FBN3: variants seen among roughly 807,000 people sequenced by gnomAD.
FBN3 encodes the protein fibrillin 3.
In FBN3, 234 loss-of-function variants were observed where a neutral mutation model predicts 330.1. The observed-to-expected ratio is 0.71, with a 90% CI of 0.64 to 0.79. The LOEUF is 0.79. Ranked by LOEUF, FBN3 falls within the 30% of genes least tolerant of loss-of-function variation. The probability of loss-of-function intolerance (pLI) is 0.00; values close to 1 mark genes in which losing one functional copy is unlikely to be tolerated. For synonymous variants in FBN3, 1,458 were observed against 1,517.3 expected (o/e 0.96, Z 0.91); for missense variants, 3,606 against 3,886.9 (o/e 0.93, Z 1.92).
intron 40 of FBN3, 45 bp from the exon 41 acceptor site, chr19:8,101,017 C>G (rs2144758060): frequency 6.6e-7 from 1 of 1,514,740 alleles, no homozygotes; most frequent in Non-Finnish European, 9.1e-7. Flanking sequence ...GCAGGCCTGA[C>G]CCCAGCCCGC....
chr19:8,106,248 G>C lies in FBN3; in HGVS notation c.4688-15C>G. On this transcript the variant is annotated splice_polypyrimidine_tract_variant and intron_variant, in intron 37 of 63. Transcript: ENST00000600128. ...CTCGTCGATGTCTGTCAGGAAGTAA[G>C]GAAGCCAAGCTTGGGAGCTAAACCC... 1 of 1,614,060 alleles carries C rather than the reference G, an allele frequency of 6.2e-7. No homozygotes were observed. The highest frequency in any genetic ancestry group is 8.5e-7 in the Non-Finnish European group (1 of 1,179,980).
rs191105247 is a variant in FBN3, at chr19:8,129,488, C to A, written c.2045-123G>T. On this transcript the variant is annotated intron_variant, in intron 16 of 63. Coordinates refer to ENST00000600128, the MANE Select transcript of FBN3 (RefSeq NM_032447.5). The surrounding 1 kb of genome is among the most constrained non-coding windows in gnomAD (Gnocchi z 4.5). ...AGATTCCCCAAGGCCATAGCTCCAG[C>A]CCAGACCCGGCCTCATTCTGCTCTA... is the stretch of plus-strand genomic sequence containing the variant. 6.2e-4 allele frequency: 783 copies of A among 1,269,432 alleles called. 1 individual carries two copies. The highest frequency in any genetic ancestry group is 8.0e-4 in the Non-Finnish European group (735 of 913,240). The allele number at this position is 1,269,432 out of a possible 1,614,324, so 78.6% of individuals were successfully genotyped here.
Position 8,085,217 on chromosome 19 carries a change from A to C in FBN3, c.7087+146T>G, listed in dbSNP as rs1363962667. Reference sequence around the variant, plus strand: ...TACTGGTTCTCATATCTGCTAGCACAAAGACACACACACACACACACACAC... The same window carrying C: ...TACTGGTTCTCATATCTGCTAGCACCAAGACACACACACACACACACACAC... On this transcript the variant is annotated intron_variant, in intron 56 of 63. Transcript: ENST00000600128. 1.1e-5 allele frequency: 7 copies of C among 663,632 alleles called. No homozygotes were observed. In the South Asian group the frequency reaches 1.4e-4, roughly 13 times the overall value. 41.1% of individuals were successfully genotyped at this position (663,632 alleles called of 1,614,324 possible). A position where few individuals can be genotyped will look rare whatever the true frequency, so the allele number is the denominator to read the frequency against.
chr19:8,086,399 C>T (rs1352045617), intron 54 of FBN3, 74 bp from the exon 55 acceptor site: 8 of 1,073,366 alleles, frequency 7.5e-6, no homozygotes. Context: ...CCCAAAGGGC[C>T]CCTTTGGATC....
In FBN3 at chr19:8,129,433, GTCGCGGCGCAC is replaced by G; in HGVS notation, c.2045-79_2045-69del. 1 of 1,587,074 alleles carries G rather than the reference GTCGCGGCGCAC, an allele frequency of 6.3e-7. No homozygotes were observed. On this transcript the variant is annotated intron_variant, in intron 16 of 63. Coordinates refer to ENST00000600128, the MANE Select transcript of FBN3 (RefSeq NM_032447.5). This position sits in a 1 kb window ranked among gnomAD's most constrained non-coding sequence, Gnocchi z 4.5. Reference sequence around the variant, plus strand: ...TGTGTCCGAGGCAGGAGGAGGGTGTGTCGCGGCGCACCAGGGGTCTCTAGAAGTCAGATTCC... The same window carrying G: ...TGTGTCCGAGGCAGGAGGAGGGTGTGCAGGGGTCTCTAGAAGTCAGATTCC...
At chr19:8,086,640 G>C in intron 54 of FBN3, among the ~76,000 whole-genome samples, 1 of 93,014 alleles carries the variant, frequency 1.1e-5, no homozygotes, top group South Asian at 3.7e-4. Context: ...TTTTTTTTTT[G>C]TATTTTTAGT....
At position 8,111,879 on chromosome 19, in the gene FBN3, A is replaced by G. The variant is rs2082594063; in HGVS notation, c.3961+98T>C. ...CAACCCTGACTGCCCCCCTGCAGACACTCCCGGATCCCACCCTCCCACTGC... is the reference window on the plus strand; with the variant it reads ...CAACCCTGACTGCCCCCCTGCAGACGCTCCCGGATCCCACCCTCCCACTGC... On this transcript the variant is annotated intron_variant, in intron 31 of 63. Transcript: ENST00000600128. 28 of 1,166,336 alleles carry G rather than the reference A, an allele frequency of 2.4e-5. 1 individual carries two copies. In the South Asian group the frequency reaches 3.8e-4, roughly 16 times the overall value. The allele number at this position is 1,166,336 out of a possible 1,614,324, so 72.2% of individuals were successfully genotyped here. A position where few individuals can be genotyped will look rare whatever the true frequency, so the allele number is the denominator to read the frequency against.
intron 30 of FBN3, 149 bp downstream of exon 30, chr19:8,115,366 G>C: frequency 3.8e-6 from 4 of 1,061,578 alleles, no homozygotes; most frequent in Non-Finnish European, 5.4e-6. Flanking sequence ...ATAGGACTCT[G>C]TTCTTGCTTT....
intron 6 of FBN3, among the ~76,000 whole-genome samples, chr19:8,143,819 C>CTTTTT (rs1225164430): frequency 9.1e-4 from 107 of 117,622 alleles, no homozygotes; most frequent in South Asian, 5.0e-3. Flanking sequence ...TTCTTTCTTT[C>CTTTTT]TTTTTTTTTT....
Position 8,065,792 on chromosome 19 carries a change from T to C in FBN3, c.*127A>G. The stretch of plus-strand genomic sequence containing the variant: ...AGGCCGGGCTTGCCTGAGGTTGTCG[T>C]GTAGCATTTCACTCTTCCTGAGTTT... On this transcript the variant is annotated 3_prime_UTR_variant, in exon 64 of 64. Coordinates refer to ENST00000600128, the MANE Select transcript of FBN3 (RefSeq NM_032447.5). 2.4e-6 allele frequency: 2 copies of C among 842,780 alleles called. No individual in the cohort carries two copies. Among genetic ancestry groups the C allele is most frequent in the Non-Finnish European group, 3.6e-6 (2 of 551,774 alleles). The allele number at this position is 842,780 out of a possible 1,614,324, so 52.2% of individuals were successfully genotyped here.
chr19:8,089,554 T>A lies in FBN3; in HGVS notation c.6367A>T (p.Asn2123Tyr), dbSNP rs1199953830. The stretch of plus-strand genomic sequence containing the variant: ...AGGGCTGGCCACTCACCCACACAGT[T>A]GATGCCAGTGAAGTCCAGGCTGTAG... ...FGYSLDFTGI[N>Y]CVDTDECSVG... is the part of the protein sequence containing the mutation. Residue 2123 changes from asparagine (N) to tyrosine (Y), a missense_variant, in exon 51 of 64, where the codon AAC becomes TAC. Transcript: ENST00000600128. 1.9e-6 allele frequency: 3 copies of A among 1,614,070 alleles called. No individual in the cohort carries two copies. Among genetic ancestry groups the A allele is most frequent in the Non-Finnish European group, 1.7e-6 (2 of 1,179,956 alleles).
At position 8,088,064 on chromosome 19, in the gene FBN3, G is replaced by A. The variant is rs887564682; in HGVS notation, c.6492C>T (p.Cys2164=). 1.1e-5 allele frequency: 18 copies of A among 1,614,062 alleles called. No homozygotes were observed. The highest frequency in any genetic ancestry group is 3.3e-5 in the South Asian group (3 of 91,072). The part of the protein sequence containing the change: ...DGFEPGLMMT[C]EDIDECSLNP... ...CCTGGGCAAGCAGAGTTGTACCCTCGCAGGTCATCATGAGGCCAGGCTCAA... is the reference window on the plus strand; with the variant it reads ...CCTGGGCAAGCAGAGTTGTACCCTCACAGGTCATCATGAGGCCAGGCTCAA... Residue 2164 remains cysteine (C), a synonymous_variant, in exon 52 of 64, where the codon TGC becomes TGT. Coordinates refer to ENST00000600128, the MANE Select transcript of FBN3 (RefSeq NM_032447.5).
rs1419849211 is a variant in FBN3 at position 8,125,937 on chromosome 19, A to G, written c.2686T>C (p.Cys896Arg). ...VNTAGSFRCE[C>R]PEGLMLDASG... ...GCGTCCAGCATCAGGCCCTCTGGACACTCACAGCGGAAAGACCCAGCAGTG... is the reference window on the plus strand; with the variant it reads ...GCGTCCAGCATCAGGCCCTCTGGACGCTCACAGCGGAAAGACCCAGCAGTG... Residue 896 changes from cysteine to arginine, a missense_variant, in exon 22 of 64, where the codon TGT becomes CGT. Coordinates refer to ENST00000600128, the MANE Select transcript of FBN3 (RefSeq NM_032447.5). The G allele has an allele frequency of 1.2e-6, 2 of 1,613,760 alleles. No individual in the cohort carries two copies. The highest frequency in any genetic ancestry group is 1.7e-6 in the Non-Finnish European group (2 of 1,180,000).
intron 57 of FBN3, 47 bp downstream of exon 57, chr19:8,083,200 G>A: frequency 6.2e-7 from 1 of 1,610,108 alleles, no homozygotes; most frequent in Non-Finnish European, 8.5e-7. Flanking sequence ...CTGCACAGAA[G>A]GTGGCCAGGC....
At position 8,136,507 on chromosome 19, in the gene FBN3, A is replaced by G. The variant is rs369461017; in HGVS notation, c.1226T>C (p.Ile409Thr). The G allele has an allele frequency of 3.7e-5, 60 of 1,614,022 alleles. No individual in the cohort carries two copies. The highest frequency in any genetic ancestry group is 3.3e-4 in the East Asian group (15 of 44,894). Residue 409 changes from isoleucine to threonine, a missense_variant, in exon 11 of 64, where the codon ATT becomes ACT. Physicochemically the swap from Ile to Thr is moderately conservative, Grantham distance 89. Coordinates refer to ENST00000600128, the MANE Select transcript of FBN3 (RefSeq NM_032447.5). ...GTTGGTGAAGTGTCGGCAGATGTCA[A>G]TGGTCTGGTTCAGGGTAGCAGTGCC... ...NIGTATLNQT[I>T]DICRHFTNLC...
chr19:8,132,843 C>G (rs1378921994), intron 14 of FBN3, 141 bp downstream of exon 14: 2 of 983,084 alleles, frequency 2.0e-6, no homozygotes, highest in Non-Finnish European at 2.9e-6. Flanking sequence ...CCCTCCTCCT[C>G]CTCTTTTTCT....
At chr19:8,085,863 G>A (rs2144655552) in intron 55 of FBN3, among the ~76,000 whole-genome samples, 1 of 152,074 alleles carries the variant, frequency 6.6e-6, no homozygotes, top group African/African-American at 2.4e-5. Flanking sequence ...AGGGAAGAGG[G>A]GCAGCAGGGG....
At position 8,133,058 on chromosome 19, in the gene FBN3, A is replaced by G. The variant is rs764578472; in HGVS notation, c.1640T>C (p.Leu547Pro). 1.9e-6 allele frequency: 3 copies of G among 1,587,340 alleles called. No homozygotes were observed. The highest frequency in any genetic ancestry group is 2.6e-6 in the Non-Finnish European group (3 of 1,168,162). The change falls in exon 14 of 64, where the codon CTC (leucine) becomes CCC (proline). Residue 547 changes from leucine (L) to proline (P), a missense_variant. Leu to Pro is a moderately conservative substitution (Grantham distance 98). Coordinates refer to ENST00000600128, the MANE Select transcript of FBN3 (RefSeq NM_032447.5). The stretch of plus-strand genomic sequence containing the variant: ...GCAGGAGAAGCTGCCATCCTCGTTG[A>G]GACACACGCCGTTGACGCACATGGT... ...TSTMCVNGVC[L>P]NEDGSFSCLC...
At chr19:8,106,351 A>C in intron 37 of FBN3, 118 bp from the exon 38 acceptor site, 1 of 1,006,228 alleles carries the variant, frequency 9.9e-7, no homozygotes, top group Non-Finnish European at 1.5e-6. Flanking sequence ...AGTGCTGTCC[A>C]TGACTGATAG....
Sources: gnomAD v4.1 joint callset for allele counts (sites outside exome capture counted in the v4.1 genomes callset) on GRCh38, gnomAD v4.1.1 for gene constraint, Gnocchi (gnomAD v3.1) non-coding constraint, MANE v1.5 for transcripts, NCBI Gene and HGNC (gene_info 2026-07-23, HGNC 2026-07-21) for gene names.